Variants in PRH1 observed in about 807,000 individuals in gnomAD.
The protein encoded by PRH1 is salivary acidic proline-rich phosphoprotein 1/2.
In PRH1, 7 loss-of-function variants were observed where a neutral mutation model predicts 7.9. That is an observed-to-expected ratio of 0.89 (90% confidence interval 0.50 to 1.67). The LOEUF (loss-of-function observed/expected upper bound fraction) is 1.67. PRH1 is among the 40% of genes most tolerant of loss of function. The pLI is 0.00. For synonymous variants in PRH1, 45 were observed against 80.8 expected, an observed-to-expected ratio of 0.56 and a Z score of 2.38; for missense variants, 109 against 223.6, an observed-to-expected ratio of 0.49 and a Z score of 3.27.
Position 11,168,306 on chromosome 12 carries a change from AGG to A in PRH1, n.39+3114_39+3115del, listed in dbSNP as rs1947681745. On this transcript the variant is annotated intron_variant and non_coding_transcript_variant, in intron 1 of 1. Coordinates refer to the PRH1 transcript ENST00000541175. ...AAAGAAAGAAAGAAAGAAAGAAGGA[AGG>A]AAGGAAGGAAGGAAGGAAGGAAGGA... Among the ~76,000 whole-genome samples the A allele has an allele frequency of 4.0e-3, 219 of 55,324 alleles. 40 individuals carry two copies. The highest frequency in any genetic ancestry group is 7.8e-3 in the Non-Finnish European group (165 of 21,088). 36.3% of individuals were successfully genotyped at this position (55,324 alleles called of 152,430 possible).
intron 2 of PRH1, chr12:10,929,345 G>C (rs368737285): frequency 3.7e-6 from 6 of 1,614,128 alleles, no homozygotes; most frequent in East Asian, 2.2e-5. Flanking sequence ...AAGGTAAGCC[G>C]AATTGGGGGA....
chr12:11,062,805 T>A (rs1254927583), intron 1 of PRH1, among the ~76,000 whole-genome samples: 1 of 152,158 alleles, frequency 6.6e-6, no homozygotes, highest in Non-Finnish European at 1.5e-5. Context: ...TGGACTTTTT[T>A]AAATGACAGA....
chr12:11,127,673 C>T (rs372118756), intron 1 of PRH1, among the ~76,000 whole-genome samples: 1,008 of 32,612 alleles, frequency 0.031, no homozygotes, highest in East Asian at 0.1. Flanking sequence ...TGTCCTATAA[C>T]TTCTAAAATG....
At position 10,973,777 on chromosome 12, in the gene PRH1, T is replaced by C. The variant is rs139189806; in HGVS notation, c.-125-56A>G. 110 of 758,192 alleles carry C rather than the reference T, an allele frequency of 1.5e-4. No individual in the cohort carries two copies. The African/African-American group carries it at 1.7e-3, about 12-fold the overall frequency. The allele number at this position is 758,192 out of a possible 1,614,324, so 47.0% of individuals were successfully genotyped here. On this transcript the variant is annotated intron_variant, in intron 1 of 3. Transcript: ENST00000539853. Reference sequence around the variant, plus strand: ...ATATTTTCAATTCATCGGAGAGCTGTGCAAACAAGGAGGGCCAGCTAAACT... The same window carrying C: ...ATATTTTCAATTCATCGGAGAGCTGCGCAAACAAGGAGGGCCAGCTAAACT...
At position 11,006,430 on chromosome 12, in the gene PRH1, A is replaced by G. The variant is rs529992855; in HGVS notation, c.-125-32709T>C. Reference sequence around the variant, plus strand: ...TGCTCTCTCACCCAAGCTGGAGTGCAGTGGCACAATCATACCTCGCCGTAG... The same window carrying G: ...TGCTCTCTCACCCAAGCTGGAGTGCGGTGGCACAATCATACCTCGCCGTAG... On this transcript the variant is annotated intron_variant, in intron 1 of 3. Transcript: ENST00000539853. Among the ~76,000 whole-genome samples the G allele has an allele frequency of 7.8e-5, 11 of 141,164 alleles. No homozygotes were observed. The South Asian group carries it at 2.2e-3, about 29-fold the overall frequency. 92.6% of individuals were successfully genotyped at this position (141,164 alleles called of 152,430 possible). A position where few individuals can be genotyped will look rare whatever the true frequency, so the allele number is the denominator to read the frequency against.
chr12:11,027,336 T>A (rs1475143324), intron 1 of PRH1, among the ~76,000 whole-genome samples: 1 of 150,912 alleles, frequency 6.6e-6, no homozygotes, highest in African/African-American at 2.5e-5. Context: ...TTCTTAACTA[T>A]AGTAAAATAC....
In PRH1 at chr12:11,052,860, T is replaced by C. The variant is rs115744901; in HGVS notation, n.124-5672A>G. ...TTCTCTTTCTGAACATTATTTTCTATAGGAAAACTGAACAAACTACTCTTA... is the reference window on the plus strand; with the variant it reads ...TTCTCTTTCTGAACATTATTTTCTACAGGAAAACTGAACAAACTACTCTTA... On this transcript the variant is annotated intron_variant and non_coding_transcript_variant, in intron 1 of 4. Coordinates refer to the PRH1 transcript ENST00000541977. Among the ~76,000 whole-genome samples the C allele has an allele frequency of 2.6e-3, 402 of 152,324 alleles. 1 individual carries two copies. The highest frequency in any genetic ancestry group is 9.2e-3 in the African/African-American group (384 of 41,586).
chr12:10,964,698 A>C, intron 2 of PRH1: 1 of 638,970 alleles, frequency 1.6e-6, no homozygotes, highest in Non-Finnish European at 2.8e-6. Context: ...TTGGTGTTGG[A>C]ATCTGGAGAT....
rs576389099 is a variant in PRH1, at chr12:11,011,049, A to G, written c.-126+35971T>C. On this transcript the variant is annotated intron_variant, in intron 1 of 3. Transcript: ENST00000539853. ...ATTTCAGGATTGTTTAACAACTCCT[A>G]AAAGAACTCAAAGGAAAAAAATGTT... Among the ~76,000 whole-genome samples the G allele has an allele frequency of 3.3e-5, 5 of 152,178 alleles. No homozygotes were observed. The East Asian group carries it at 9.6e-4, about 29-fold the overall frequency.
intron 1 of PRH1, among the ~76,000 whole-genome samples, chr12:11,138,815 G>C (rs1436009186): frequency 6.6e-6 from 1 of 152,038 alleles, no homozygotes; most frequent in African/African-American, 2.4e-5. Flanking sequence ...GAGGCAGGTG[G>C]ATTGCCTGAG....
chr12:11,080,639 C>T (rs1773095834), intron 1 of PRH1, among the ~76,000 whole-genome samples: 2 of 76,840 alleles, frequency 2.6e-5, no homozygotes, highest in South Asian at 3.6e-4. Context: ...TACATTCAAT[C>T]CAGGAAGACA....
intron 2 of PRH1, among the ~76,000 whole-genome samples, chr12:10,890,919 T>C (rs1949564358): frequency 6.6e-6 from 1 of 151,890 alleles, no homozygotes; most frequent in Admixed American, 6.6e-5. Flanking sequence ...CCTCACATGC[T>C]ATTGTCCTCC....
chr12:11,120,787 T>C (rs983502271), downstream of PRH1: 2 of 152,298 alleles, frequency 1.3e-5, no homozygotes, highest in Non-Finnish European at 2.9e-5. Context: ...GTTTTCCTTT[T>C]TCTTTGGCCC....
rs1381760869 is a variant in PRH1 at position 11,135,632 on chromosome 12, A to G, written n.40-14452T>C. On this transcript the variant is annotated intron_variant and non_coding_transcript_variant, in intron 1 of 1. Transcript: ENST00000541175. ...AACTCTGCTAAACCAAGAGTGTGGG[A>G]AATGTGTACAACCTTGTTGTGTCAG... Among the ~76,000 whole-genome samples the G allele has an allele frequency of 2.0e-5, 3 of 152,312 alleles. No individual in the cohort carries two copies. The East Asian group carries it at 5.8e-4, about 29-fold the overall frequency.
intron 2 of PRH1, chr12:10,938,904 C>G: frequency 6.2e-7 from 1 of 1,613,938 alleles, no homozygotes; most frequent in Non-Finnish European, 8.5e-7. Context: ...GTACCGAGGC[C>G]TGTAGCTAAC....
In PRH1 at chr12:11,005,246, C is replaced by T. The variant is rs566048705; in HGVS notation, c.-125-31525G>A. Among the ~76,000 whole-genome samples the T allele has an allele frequency of 7.9e-5, 12 of 152,224 alleles. No homozygotes were observed. In the South Asian group the frequency reaches 2.3e-3, roughly 29 times the overall value. The stretch of plus-strand genomic sequence containing the variant: ...TGGCTATAAGATGAAATTTTTCATA[C>T]TGATGTTGAAGTGAAAAATGAGTTC... On this transcript the variant is annotated intron_variant, in intron 1 of 3. Coordinates refer to the PRH1 transcript ENST00000539853.
rs1334731509 is a variant in PRH1 at position 11,076,157 on chromosome 12, G to T, written n.124-28969C>A. Among the ~76,000 whole-genome samples the T allele has an allele frequency of 1.7e-5, 2 of 120,822 alleles. 1 individual carries two copies. The highest frequency in any genetic ancestry group is 3.9e-5 in the Non-Finnish European group (2 of 51,574). The allele number at this position is 120,822 out of a possible 152,430, so 79.3% of individuals were successfully genotyped here. A position where few individuals can be genotyped will look rare whatever the true frequency, so the allele number is the denominator to read the frequency against. The stretch of plus-strand genomic sequence containing the variant: ...CAATGTTAAAATCTCATAACACCAA[G>T]AATTAACACAGTCATGCAGAATTTA... On this transcript the variant is annotated intron_variant and non_coding_transcript_variant, in intron 1 of 4. Coordinates refer to the PRH1 transcript ENST00000541977.
chr12:10,896,403 A>G (rs2135801452), intron 2 of PRH1, among the ~76,000 whole-genome samples: 2 of 152,338 alleles, frequency 1.3e-5, no homozygotes, highest in East Asian at 3.9e-4. Context: ...TATTTATAAA[A>G]TATGCAAAGT....
chr12:10,973,622 T>G (rs1938938249), intron 2 of PRH1: 1 of 769,450 alleles, frequency 1.3e-6, no homozygotes, highest in Non-Finnish European at 2.4e-6. Context: ...AGGTTTTCAT[T>G]TGATCCTGTG....
Sources: gnomAD v4.1 joint callset for allele counts (sites outside exome capture counted in the v4.1 genomes callset) on GRCh38, gnomAD v4.1.1 for gene constraint, MANE v1.5 for transcripts, NCBI Gene and HGNC (gene_info 2026-07-23, HGNC 2026-07-21) for gene names.